RAB11FIP3: variants seen among roughly 807,000 people sequenced by gnomAD.
The protein encoded by RAB11FIP3 is rab11 family-interacting protein 3.
Under a neutral mutation model 77.8 loss-of-function variants are expected in RAB11FIP3, and 17 were observed. That is an observed-to-expected ratio of 0.22 (90% CI 0.15 to 0.33). RAB11FIP3 has a LOEUF of 0.33. Among genes scored for constraint, RAB11FIP3 ranks in the 10% least tolerant of loss-of-function variants. The probability of loss-of-function intolerance (pLI) is 1.00; values close to 1 mark genes in which losing one functional copy is unlikely to be tolerated. For missense variants in RAB11FIP3, 1,005 were observed against 1,011.2 expected (o/e 0.99, Z 0.08); for synonymous variants, 437 against 448.2 (o/e 0.98, Z 0.31).
intron 2 of RAB11FIP3, among the ~76,000 whole-genome samples, chr16:467,406 G>A (rs2055720497): frequency 6.8e-6 from 1 of 147,294 alleles, no homozygotes; most frequent in Non-Finnish European, 1.5e-5. Context: ...CAGGGAGGAG[G>A]TGCAGTAGCC....
intron 9 of RAB11FIP3, among the ~76,000 whole-genome samples, chr16:515,295 G>A (rs772091929): frequency 6.6e-6 from 1 of 152,232 alleles, no homozygotes; most frequent in Non-Finnish European, 1.5e-5. Flanking sequence ...ATAGCTGTGG[G>A]TAGAGCCGTC....
intron 5 of RAB11FIP3, chr16:491,401 G>A (rs932280994): frequency 1.1e-4 from 108 of 971,978 alleles, no homozygotes; most frequent in Non-Finnish European, 1.4e-4. Flanking sequence ...CTGGGGCCCC[G>A]CCTCCCACCC....
chr16:501,297 G>A (rs1304517923), intron 6 of RAB11FIP3, among the ~76,000 whole-genome samples: 1 of 152,224 alleles, frequency 6.6e-6, no homozygotes, highest in African/African-American at 2.4e-5. Flanking sequence ...CCATTTCATA[G>A]GCAAGGAAGC....
At position 426,446 on chromosome 16, in the gene RAB11FIP3, G is replaced by T; in HGVS notation, c.440G>T (p.Gly147Val). The T allele has an allele frequency of 1.9e-6, 3 of 1,585,176 alleles. No homozygotes were observed. Among genetic ancestry groups the T allele is most frequent in the Non-Finnish European group, 2.6e-6 (3 of 1,167,096 alleles). The change falls in exon 1 of 14, where the codon GGG (glycine) becomes GTG (valine). Residue 147 changes from glycine (G) to valine (V), a missense_variant. This residue lies in a region of RAB11FIP3 where 466 missense variants were observed against 408.3 expected (regional missense o/e 1.14). Coordinates refer to ENST00000262305, the MANE Select transcript of RAB11FIP3 (RefSeq NM_014700.4). This position sits in a 1 kb window ranked among gnomAD's most constrained non-coding sequence, Gnocchi z 5.0. ...CPESAPFRLQ[G>V]SSSSHRARGE... The stretch of plus-strand genomic sequence containing the variant: ...GAGAGCGCGCCTTTCCGCTTGCAGG[G>T]GTCCAGCAGCAGCCACCGAGCGCGG...
rs529462673 is a variant in RAB11FIP3 at position 492,070 on chromosome 16, T to C, written c.1265+3070T>C. Among the ~76,000 whole-genome samples, 24 of 152,336 alleles carry C rather than the reference T, an allele frequency of 1.6e-4. No homozygotes were observed. The East Asian group carries it at 4.4e-3, about 28-fold the overall frequency. On this transcript the variant is annotated intron_variant, in intron 5 of 13. Coordinates refer to ENST00000262305, the MANE Select transcript of RAB11FIP3 (RefSeq NM_014700.4). ...AGAGGTATCTGTGAAACTGCTTACC[T>C]GTCTTGAGCCTGCCCTGTCCCTGCC... is the stretch of plus-strand genomic sequence containing the variant.
At chr16:501,615 A>G (rs1449364076) in intron 6 of RAB11FIP3, among the ~76,000 whole-genome samples, 2 of 145,582 alleles carry the variant, frequency 1.4e-5, no homozygotes, top group African/African-American at 5.2e-5. Flanking sequence ...CCCCCATTTC[A>G]CAGGCAAGGA....
intron 10 of RAB11FIP3, 69 bp from the exon 11 acceptor site, chr16:519,685 C>T (rs892107275): frequency 1.0e-5 from 16 of 1,562,046 alleles, no homozygotes; most frequent in Admixed American, 5.3e-5. Flanking sequence ...GAGGGACAGA[C>T]GGCCGGGGCA....
At chr16:443,835 A>G (rs2055267109) in intron 1 of RAB11FIP3, among the ~76,000 whole-genome samples, 1 of 152,232 alleles carries the variant, frequency 6.6e-6, no homozygotes, top group Admixed American at 6.5e-5. Context: ...AAGTGCTGGG[A>G]TTACAGGCAT....
chr16:445,328 A>G (rs972424598), intron 1 of RAB11FIP3, among the ~76,000 whole-genome samples: 1 of 150,822 alleles, frequency 6.6e-6, no homozygotes, highest in Non-Finnish European at 1.5e-5. Context: ...AGTTTCAGCT[A>G]CTTGGGAGGC....
chr16:431,120 G>A lies in RAB11FIP3; in HGVS notation c.714+4400G>A, dbSNP rs189662860. On this transcript the variant is annotated intron_variant, in intron 1 of 13. Transcript: ENST00000262305. ...CATATGTGAGCTGGTGTGTGTGTGTGTAATATGTGTGTGCGGTGAGATGTG... is the reference window on the plus strand; with the variant it reads ...CATATGTGAGCTGGTGTGTGTGTGTATAATATGTGTGTGCGGTGAGATGTG... Among the ~76,000 whole-genome samples, 282 of 152,236 alleles carry A rather than the reference G, an allele frequency of 1.9e-3. 1 individual carries two copies. Among genetic ancestry groups the A allele is most frequent in the African/African-American group, 6.4e-3 (264 of 41,554 alleles).
At chr16:464,265 CGTGTCTCAG>C (rs961862937) in intron 2 of RAB11FIP3, among the ~76,000 whole-genome samples, 6 of 152,080 alleles carry the variant, frequency 3.9e-5, no homozygotes, top group African/African-American at 9.7e-5. Flanking sequence ...CTGATGGGGC[CGTGTCTCAG>C]TCTAACTGAT....
rs1384219518 is a variant in RAB11FIP3 at position 520,146 on chromosome 16, C to G, written c.1885C>G (p.Leu629Val). 6.5e-7 allele frequency: 1 copy of G among 1,546,252 alleles called. No homozygotes were observed. Residue 629 changes from leucine to valine, a missense_variant, in exon 12 of 14, where the codon CTG becomes GTG. Coordinates refer to ENST00000262305, the MANE Select transcript of RAB11FIP3 (RefSeq NM_014700.4). The stretch of plus-strand genomic sequence containing the variant: ...GCTGATCGAGGACCTCCGAAAGCAG[C>G]TGGAGCACCTGCAGCTCCTCAAGCT... ...QELIEDLRKQ[L>V]EHLQLLKLEA...
rs947623140 is a variant in RAB11FIP3, at chr16:471,828, C to G, written c.903+439C>G. On this transcript the variant is annotated intron_variant, in intron 3 of 13. Transcript: ENST00000262305. The surrounding 1 kb of genome is among the most constrained non-coding windows in gnomAD (Gnocchi z 4.4). ...CAGGGTTGTCATGGTGACGTGGCGTCTCCTGTGTCTCCTGTCACTGTGGGT... is the reference window on the plus strand; with the variant it reads ...CAGGGTTGTCATGGTGACGTGGCGTGTCCTGTGTCTCCTGTCACTGTGGGT... 6.6e-6 allele frequency among the ~76,000 whole-genome samples: 1 copy of G among 152,210 alleles called. No individual in the cohort carries two copies. The highest frequency in any genetic ancestry group is 6.5e-5 in the Admixed American group (1 of 15,272).
At chr16:432,976 C>T (rs1032086174) in intron 1 of RAB11FIP3, among the ~76,000 whole-genome samples, 1 of 141,632 alleles carries the variant, frequency 7.1e-6, no homozygotes, top group African/African-American at 2.6e-5. Flanking sequence ...TATTTTGTTA[C>T]AGGCATACAC....
Position 507,909 on chromosome 16 carries a change from C to A in RAB11FIP3, c.1499+2282C>A, listed in dbSNP as rs1029380910. ...GCTGCCATCCTAAGAGTACGTTTCC[C>A]GTTTTCAGTATCATCTGCCCGTTCT... is the stretch of plus-strand genomic sequence containing the variant. On this transcript the variant is annotated intron_variant, in intron 8 of 13. Transcript: ENST00000262305. This position sits in a 1 kb window ranked among gnomAD's most constrained non-coding sequence, Gnocchi z 4.6. Among the ~76,000 whole-genome samples, 1 of 152,194 alleles carries A rather than the reference C, an allele frequency of 6.6e-6. No individual in the cohort carries two copies. Among genetic ancestry groups the A allele is most frequent in the African/African-American group, 2.4e-5 (1 of 41,444 alleles).
At chr16:510,208 C>A (rs896772868) in intron 8 of RAB11FIP3, among the ~76,000 whole-genome samples, 2 of 145,478 alleles carry the variant, frequency 1.4e-5, no homozygotes, top group African/African-American at 5.2e-5. Context: ...TGAGCGCACG[C>A]GTTGTGTGTA....
rs2031846637 is a variant in RAB11FIP3, at chr16:505,923, C to A, written c.1499+296C>A. On this transcript the variant is annotated intron_variant, in intron 8 of 13. Transcript: ENST00000262305. The surrounding 1 kb of genome is among the most constrained non-coding windows in gnomAD (Gnocchi z 4.0). ...AGACCTGACCCACACAGAGGAGGAA[C>A]TGACTGCGAACCCACGCAGTGCTCA... is the stretch of plus-strand genomic sequence containing the variant. Among the ~76,000 whole-genome samples, 1 of 152,236 alleles carries A rather than the reference C, an allele frequency of 6.6e-6. No individual in the cohort carries two copies. Among genetic ancestry groups the A allele is most frequent in the African/African-American group, 2.4e-5 (1 of 41,464 alleles).
At position 463,155 on chromosome 16, in the gene RAB11FIP3, G is replaced by A. The variant is rs138655910; in HGVS notation, c.808+1658G>A. Among the ~76,000 whole-genome samples the A allele has an allele frequency of 5.2e-3, 787 of 152,188 alleles. 3 individuals are homozygous for A. Among genetic ancestry groups the A allele is most frequent in the Middle Eastern group, 0.027 (8 of 294 alleles). Reference sequence around the variant, plus strand: ...GTCTTACGTCAAGTTCTGAAGCTCTGAACAGGCCATCTCACTTCCTCATGT... The same window carrying A: ...GTCTTACGTCAAGTTCTGAAGCTCTAAACAGGCCATCTCACTTCCTCATGT... On this transcript the variant is annotated intron_variant, in intron 2 of 13. Transcript: ENST00000262305.
In RAB11FIP3 at chr16:443,792, C is replaced by T. The variant is rs544009699; in HGVS notation, c.714+17072C>T. 6.6e-4 allele frequency among the ~76,000 whole-genome samples: 101 copies of T among 152,296 alleles called. 2 individuals carry two copies. The highest frequency in any genetic ancestry group is 6.4e-3 in the South Asian group (31 of 4,828). The stretch of plus-strand genomic sequence containing the variant: ...TGTTAGCCAGGATGATCTAGATCTC[C>T]TGACCTTGTGATCCGCCCGCCTTGG... On this transcript the variant is annotated intron_variant, in intron 1 of 13. Coordinates refer to ENST00000262305, the MANE Select transcript of RAB11FIP3 (RefSeq NM_014700.4).
Sources: allele counts gnomAD v4.1 joint callset (sites outside exome capture counted in the v4.1 genomes callset), GRCh38; gene constraint gnomAD v4.1.1; regional missense constraint gnomAD v4.1.1; non-coding constraint Gnocchi (gnomAD v3.1); transcripts MANE v1.5; gene names NCBI Gene and HGNC (gene_info 2026-07-23, HGNC 2026-07-21).